CLDN10: variants seen among roughly 807,000 people sequenced by gnomAD.
CLDN10 encodes the protein claudin 10, also known as claudin-10.
In CLDN10, 15 loss-of-function variants were observed where a neutral mutation model predicts 22.9. That is an observed-to-expected ratio of 0.65 (90% confidence interval 0.44 to 1.01). CLDN10 has a LOEUF of 1.01. CLDN10 is among the 50% of genes least tolerant of loss of function. CLDN10 has a pLI of 0.00. For synonymous variants in CLDN10, 114 were observed against 111.4 expected, an observed-to-expected ratio of 1.02 and a Z score of -0.15; for missense variants, 247 against 287.8, an observed-to-expected ratio of 0.86 and a Z score of 1.03.
Position 95,561,131 on chromosome 13 carries a change from G to T in CLDN10, c.464+668G>T, listed in dbSNP as rs571455582. On this transcript the variant is annotated intron_variant, in intron 3 of 4. Transcript: ENST00000299339. The stretch of plus-strand genomic sequence containing the variant: ...ATTTCTTTGGATTGGGAAAACCCCA[G>T]GGATACCAAATCAGAATTAATATAT... 2.6e-5 allele frequency among the ~76,000 whole-genome samples: 4 copies of T among 152,242 alleles called. No individual in the cohort carries two copies. In the South Asian group the frequency reaches 8.3e-4, roughly 32 times the overall value.
chr13:95,496,250 C>T (rs2138527503), intron 1 of CLDN10, among the ~76,000 whole-genome samples: 1 of 152,224 alleles, frequency 6.6e-6, no homozygotes, highest in East Asian at 1.9e-4. Flanking sequence ...TGCTTCACTT[C>T]CAGTAGTACC....
At chr13:95,481,997 C>T (rs968848445) in intron 1 of CLDN10, among the ~76,000 whole-genome samples, 3 of 152,074 alleles carry the variant, frequency 2.0e-5, no homozygotes, top group Non-Finnish European at 4.4e-5. Flanking sequence ...CCAGCCTGGG[C>T]GACAGAGTGA....
chr13:95,540,677 GTTAA>G (rs1187911153), intron 1 of CLDN10, among the ~76,000 whole-genome samples: 2 of 152,194 alleles, frequency 1.3e-5, no homozygotes, highest in African/African-American at 2.4e-5. Flanking sequence ...GAGAAGTGAT[GTTAA>G]TTCTTAACGT....
At chr13:95,435,017 TTA>T (rs754165843) in intron 1 of CLDN10, among the ~76,000 whole-genome samples, 55 of 152,218 alleles carry the variant, frequency 3.6e-4, no homozygotes, top group Non-Finnish European at 6.8e-4. Context: ...CTGATTTTAT[TTA>T]TCTAAGAATA....
chr13:95,517,553 A>G (rs935796313), intron 1 of CLDN10, among the ~76,000 whole-genome samples: 1 of 152,080 alleles, frequency 6.6e-6, no homozygotes, highest in African/African-American at 2.4e-5. Flanking sequence ...AAAATTGTCA[A>G]TGATGATTGT....
chr13:95,495,389 A>G (rs2042917912), intron 1 of CLDN10, among the ~76,000 whole-genome samples: 1 of 151,712 alleles, frequency 6.6e-6, no homozygotes, highest in African/African-American at 2.4e-5. Context: ...ACTAAACAAG[A>G]TCTTGTTCCC....
intron 1 of CLDN10, among the ~76,000 whole-genome samples, chr13:95,557,915 C>T (rs554048427): frequency 1.3e-5 from 2 of 152,254 alleles, no homozygotes; most frequent in South Asian, 2.1e-4. Flanking sequence ...AAATGCATTC[C>T]GCGTTCTAAA....
upstream of CLDN10, chr13:95,552,633 G>C: frequency 1.6e-6 from 2 of 1,263,058 alleles, no homozygotes; most frequent in Non-Finnish European, 2.1e-6. Context: ...TCCGCTGGGC[G>C]GGGTGGTGGG....
chr13:95,500,015 G>A lies in CLDN10; in HGVS notation c.215-60117G>A, dbSNP rs561422146. Reference sequence around the variant, plus strand: ...CATTCAAAGCCATCCTTGGCCCACAGGCAGCCCATAGGCCATGGGTTGGAC... The same window carrying A: ...CATTCAAAGCCATCCTTGGCCCACAAGCAGCCCATAGGCCATGGGTTGGAC... On this transcript the variant is annotated intron_variant, in intron 1 of 4. Transcript: ENST00000376873. Among the ~76,000 whole-genome samples, 22 of 152,332 alleles carry A rather than the reference G, an allele frequency of 1.4e-4. No homozygotes were observed. The South Asian group carries it at 4.4e-3, about 30-fold the overall frequency.
At chr13:95,453,989 C>A (rs1450917414) in intron 1 of CLDN10, among the ~76,000 whole-genome samples, 1 of 152,164 alleles carries the variant, frequency 6.6e-6, no homozygotes, top group African/African-American at 2.4e-5. Context: ...TACCTTCTCT[C>A]TTTCTTACCC....
At chr13:95,501,465 C>T (rs60690514) in intron 1 of CLDN10, among the ~76,000 whole-genome samples, 9,156 of 152,218 alleles carry the variant, frequency 0.06, 545 homozygotes, top group African/African-American at 0.16. Context: ...AGGTGTGTGC[C>T]ACCATGCCCA....
At chr13:95,498,780 T>C (rs1371805301) in intron 1 of CLDN10, among the ~76,000 whole-genome samples, 1 of 152,240 alleles carries the variant, frequency 6.6e-6, no homozygotes, top group Non-Finnish European at 1.5e-5. Flanking sequence ...TTTTTGAGTG[T>C]ATAGCTCAAT....
intron 1 of CLDN10, among the ~76,000 whole-genome samples, chr13:95,503,908 G>A (rs1010124571): frequency 3.3e-5 from 5 of 152,158 alleles, no homozygotes; most frequent in Non-Finnish European, 5.9e-5. Flanking sequence ...TCTGGGGACT[G>A]GTTGCACAAA....
chr13:95,446,052 T>C (rs865972499), intron 1 of CLDN10, among the ~76,000 whole-genome samples: 6 of 152,222 alleles, frequency 3.9e-5, no homozygotes, highest in African/African-American at 1.2e-4. Context: ...AAAAAATATA[T>C]AGGGCACAGA....
chr13:95,445,591 G>A (rs967998727), intron 1 of CLDN10, among the ~76,000 whole-genome samples: 6 of 152,334 alleles, frequency 3.9e-5, no homozygotes, highest in Admixed American at 3.3e-4. Context: ...TGGGCAGTGG[G>A]ATAGAGAAAG....
At chr13:95,540,483 A>G (rs2043449078) in intron 1 of CLDN10, among the ~76,000 whole-genome samples, 1 of 152,148 alleles carries the variant, frequency 6.6e-6, no homozygotes, top group South Asian at 2.1e-4. Context: ...AGCAGAGCAG[A>G]GACAGACTCT....
intron 1 of CLDN10, among the ~76,000 whole-genome samples, chr13:95,536,013 G>C (rs1397284727): frequency 6.6e-6 from 1 of 152,152 alleles, no homozygotes; most frequent in African/African-American, 2.4e-5. Context: ...GAAAGGGAAA[G>C]GTAGGAAAGA....
intron 1 of CLDN10, among the ~76,000 whole-genome samples, chr13:95,464,711 T>G (rs1405300699): frequency 1.3e-5 from 2 of 151,350 alleles, no homozygotes; most frequent in African/African-American, 4.8e-5. Flanking sequence ...GCTGCAGTGC[T>G]GCACATTTCA....
In CLDN10 at chr13:95,560,403, G is replaced by A; in HGVS notation, c.404G>A (p.Cys135Tyr). 6.2e-7 allele frequency: 1 copy of A among 1,614,026 alleles called. No individual in the cohort carries two copies. Among genetic ancestry groups the A allele is most frequent in the South Asian group, 1.1e-5 (1 of 91,062 alleles). ...TTAGGGCTGTGCTCAATGACTGGATGTTCCCTATATGCAAACAAAATCACA... is the reference window on the plus strand; with the variant it reads ...TTAGGGCTGTGCTCAATGACTGGATATTCCCTATATGCAAACAAAATCACA... ...ILSGLCSMTG[C>Y]SLYANKITTE... The change falls in exon 3 of 5, where the codon TGT becomes TAT. Residue 135 changes from cysteine to tyrosine, a missense_variant. Transcript: ENST00000299339.
Sources: gnomAD v4.1 joint callset for allele counts (sites outside exome capture counted in the v4.1 genomes callset) on GRCh38, gnomAD v4.1.1 for gene constraint, MANE v1.5 for transcripts, NCBI Gene and HGNC (gene_info 2026-07-23, HGNC 2026-07-21) for gene names.